The following KANK1 variants were observed in gnomAD, a reference collection of about 807,000 sequenced individuals.
KANK1 encodes the protein KN motif and ankyrin repeat domain-containing protein 1.
In KANK1, 109 loss-of-function variants were observed where a neutral mutation model predicts 106.2. The observed-to-expected ratio is 1.03, with a 90% CI of 0.88 to 1.20. KANK1 has a LOEUF of 1.20. Ranked by LOEUF, KANK1 falls within the 50% of genes most tolerant of loss-of-function variation. KANK1 has a pLI of 0.00. For synonymous variants in KANK1, 873 were observed against 652.2 expected, an observed-to-expected ratio of 1.34 and a Z score of -5.16; for missense variants, 2,399 against 1,710.7, an observed-to-expected ratio of 1.40 and a Z score of -7.10.
At chr9:686,710 A>G (rs1818666227) in intron 2 of KANK1, 1 of 961,776 alleles carries the variant, frequency 1.0e-6, no homozygotes, top group African/African-American at 1.8e-5. Context: ...AAATGGCAGC[A>G]TCACGTCATA....
intron 1 of KANK1, among the ~76,000 whole-genome samples, chr9:624,735 G>C (rs1833943407): frequency 6.6e-6 from 1 of 152,092 alleles, no homozygotes; most frequent in African/African-American, 2.4e-5. Context: ...GGAGGTGGAG[G>C]GTGCAGTGAG....
intron 1 of KANK1, among the ~76,000 whole-genome samples, chr9:642,157 C>G (rs1838609493): frequency 6.6e-6 from 1 of 152,188 alleles, no homozygotes; most frequent in South Asian, 2.1e-4. Context: ...CAGCTTACTT[C>G]TGACACGGCA....
At chr9:608,034 A>ATTTTTTTTTTTTTT (rs35949327) in intron 1 of KANK1, among the ~76,000 whole-genome samples, 14 of 115,348 alleles carry the variant, frequency 1.2e-4, no homozygotes, top group Non-Finnish European at 1.7e-4. Context: ...TATTATTATT[A>ATTTTTTTTTTTTTT]TTTTTTTTTT....
chr9:499,303 T>G (rs1008992250), intron 3 of KANK1, among the ~76,000 whole-genome samples: 1 of 152,152 alleles, frequency 6.6e-6, no homozygotes, highest in African/African-American at 2.4e-5. Flanking sequence ...CATAGCAGCA[T>G]TATTAATAAT....
At chr9:557,188 GA>G (rs35320012) in intron 1 of KANK1, among the ~76,000 whole-genome samples, 44,974 of 113,492 alleles carry the variant, frequency 0.4, 7,892 homozygotes, top group South Asian at 0.58. Context: ...GTCTCAAAAG[GA>G]AAAAAAAAAA....
chr9:716,774 G>C (rs139901479), intron 3 of KANK1, among the ~76,000 whole-genome samples: 42 of 152,246 alleles, frequency 2.8e-4, no homozygotes, highest in African/African-American at 9.6e-4. Context: ...GAAATTAATA[G>C]TTCAAGCATA....
At chr9:572,384 A>G (rs946704084) in intron 1 of KANK1, among the ~76,000 whole-genome samples, 6 of 151,948 alleles carry the variant, frequency 3.9e-5, no homozygotes, top group African/African-American at 1.5e-4. Flanking sequence ...CCCCGTCTCT[A>G]CTAAAAAATA....
At chr9:659,906 G>C (rs934699330) in intron 1 of KANK1, 1 of 162,716 alleles carries the variant, frequency 6.1e-6, no homozygotes, top group Non-Finnish European at 1.3e-5. Context: ...TCACTGAGCC[G>C]CCACTGCCAA....
At chr9:656,946 C>T (rs746534674) in intron 1 of KANK1, among the ~76,000 whole-genome samples, 7 of 152,060 alleles carry the variant, frequency 4.6e-5, no homozygotes, top group Non-Finnish European at 1.0e-4. Flanking sequence ...GTGTACACTT[C>T]ATTATTGTTA....
intron 2 of KANK1, among the ~76,000 whole-genome samples, chr9:694,873 A>G (rs1820855308): frequency 6.6e-6 from 1 of 152,034 alleles, no homozygotes; most frequent in Admixed American, 6.6e-5. Context: ...AGAGGGGAAG[A>G]CTGCAGGCTC....
At chr9:518,039 A>G (rs998127868) in intron 1 of KANK1, among the ~76,000 whole-genome samples, 1 of 151,484 alleles carries the variant, frequency 6.6e-6, no homozygotes, top group African/African-American at 2.4e-5. Flanking sequence ...TGCCCGGCCA[A>G]CCTTGAGGGT....
Position 711,177 on chromosome 9 carries a change from T to C in KANK1, c.411T>C (p.Asn137=), listed in dbSNP as rs1376743123. The change falls in exon 3 of 12, where the codon AAT becomes AAC. Residue 137 remains asparagine, a synonymous_variant. Transcript: ENST00000382297. ...TSLPFLTIPE[N]RQLPPPSPQL... ...TCCCTTTTCTTACCATCCCAGAAAA[T>C]CGACAGCTGCCACCTCCCTCACCAC... The C allele has an allele frequency of 6.2e-7, 1 of 1,613,928 alleles. No homozygotes were observed. Among genetic ancestry groups the C allele is most frequent in the Non-Finnish European group, 8.5e-7 (1 of 1,179,990 alleles).
In KANK1 at chr9:713,089, A is replaced by C. The variant is rs1224837725; in HGVS notation, c.2323A>C (p.Lys775Gln). The C allele has an allele frequency of 6.2e-7, 1 of 1,613,364 alleles. No homozygotes were observed. The highest frequency in any genetic ancestry group is 1.1e-5 in the South Asian group (1 of 90,986). Residue 775 changes from lysine to glutamine, a missense_variant, in exon 3 of 12, where the codon AAA becomes CAA. Coordinates refer to ENST00000382297, the MANE Select transcript of KANK1 (RefSeq NM_015158.5). ...TAACGACAACTATCTGGTTGGTCTC[A>C]AAATGAGGACTATAGCTTGTGGGCC... is the stretch of plus-strand genomic sequence containing the variant. ...NINDNYLVGLKMRTIACGPPQ... is the reference protein window; with the variant it reads ...NINDNYLVGLQMRTIACGPPQ...
Position 745,155 on chromosome 9 carries a change from T to C in KANK1, c.3997-18T>C. 6.2e-7 allele frequency: 1 copy of C among 1,612,990 alleles called. No homozygotes were observed. ...GTCACTTATTAACCCCCAGTTTTTTTCCTTTCCTGGTCTCTAGGGCACCCC... is the reference window on the plus strand; with the variant it reads ...GTCACTTATTAACCCCCAGTTTTTTCCCTTTCCTGGTCTCTAGGGCACCCC... On this transcript the variant is annotated intron_variant, in intron 11 of 11. Coordinates refer to ENST00000382297, the MANE Select transcript of KANK1 (RefSeq NM_015158.5).
intron 1 of KANK1, among the ~76,000 whole-genome samples, chr9:512,784 T>C (rs112637821): frequency 6.6e-5 from 10 of 152,224 alleles, no homozygotes; most frequent in African/African-American, 2.4e-4. Context: ...GTTCATAAAT[T>C]TGACAGTGTC....
chr9:634,566 C>G (rs115058494), intron 1 of KANK1, among the ~76,000 whole-genome samples: 1,971 of 152,198 alleles, frequency 0.013, 43 homozygotes, highest in African/African-American at 0.045. Context: ...AATTCAGGCC[C>G]CTCCCATTAT....
intron 1 of KANK1, among the ~76,000 whole-genome samples, chr9:613,187 A>G (rs1830977693): frequency 6.6e-6 from 1 of 151,902 alleles, no homozygotes; most frequent in South Asian, 2.1e-4. Flanking sequence ...GCAAAGAAGT[A>G]ATTGTGACCA....
chr9:609,391 G>GC (rs2136099757), intron 1 of KANK1, among the ~76,000 whole-genome samples: 1 of 152,296 alleles, frequency 6.6e-6, no homozygotes, highest in East Asian at 1.9e-4. Flanking sequence ...ACTTTGGGAG[G>GC]CCGAGGAGGG....
intron 1 of KANK1, among the ~76,000 whole-genome samples, chr9:518,848 C>G (rs2059418054): frequency 1.3e-5 from 2 of 151,512 alleles, no homozygotes; most frequent in South Asian, 4.2e-4. Flanking sequence ...GAAACCACAA[C>G]TCCATGAAGC....
Sources: allele counts gnomAD v4.1 joint callset (sites outside exome capture counted in the v4.1 genomes callset), GRCh38; gene constraint gnomAD v4.1.1; transcripts MANE v1.5; gene names NCBI Gene and HGNC (gene_info 2026-07-23, HGNC 2026-07-21).